Variants in DIAPH2 observed in about 807,000 individuals in gnomAD.
The protein encoded by DIAPH2 is protein diaphanous homolog 2.
DIAPH2 carries 35 observed loss-of-function variants against 92.7 expected under a neutral mutation model. The ratio of observed to expected loss-of-function variants is 0.38; its 90% CI spans 0.29 to 0.50. The LOEUF (loss-of-function observed/expected upper bound fraction) is 0.50. DIAPH2 is among the 20% of genes least tolerant of loss of function. The pLI, the probability that DIAPH2 is intolerant of heterozygous loss-of-function variation, is 0.94. For missense variants in DIAPH2, 701 were observed against 819.5 expected, an observed-to-expected ratio of 0.86 and a Z score of 1.77; for synonymous variants, 301 against 280.4, an observed-to-expected ratio of 1.07 and a Z score of -0.73.
chrX:97,157,869 T>A (rs917077745), intron 22 of DIAPH2, among the ~76,000 whole-genome samples: 2 of 112,328 alleles, frequency 1.8e-5, no homozygotes, highest in Non-Finnish European at 3.8e-5. Flanking sequence ...AAACTAATTA[T>A]GGCATTTGAT....
chrX:96,974,081 T>C (rs2065945572), intron 17 of DIAPH2, among the ~76,000 whole-genome samples: 1 of 111,800 alleles, frequency 8.9e-6, no homozygotes, highest in South Asian at 3.8e-4. Flanking sequence ...TTTCTTTAGG[T>C]TTCCATTTGT....
intron 26 of DIAPH2, among the ~76,000 whole-genome samples, chrX:97,574,211 G>C (rs1271574645): frequency 1.8e-5 from 2 of 111,919 alleles, no homozygotes; most frequent in African/African-American, 6.5e-5. Flanking sequence ...TCCCTCATTG[G>C]AGGATTCAAA....
chrX:97,159,706 T>C (rs1396522241), intron 22 of DIAPH2, among the ~76,000 whole-genome samples: 1 of 112,400 alleles, frequency 8.9e-6, no homozygotes, highest in Admixed American at 9.5e-5. Flanking sequence ...TCTTTTGAAT[T>C]AATCTCATTT....
chrX:96,715,413 A>C (rs1353438162), intron 1 of DIAPH2, among the ~76,000 whole-genome samples: 3 of 111,712 alleles, frequency 2.7e-5, no homozygotes, highest in African/African-American at 9.8e-5. Flanking sequence ...ATGAATATTC[A>C]CCTTATGAAT....
intron 4 of DIAPH2, among the ~76,000 whole-genome samples, chrX:96,790,100 G>A (rs1359480337): frequency 2.0e-5 from 2 of 101,762 alleles, no homozygotes; most frequent in African/African-American, 7.4e-5. Context: ...ACAGAGTTTC[G>A]CTCTTGTTGC....
intron 25 of DIAPH2, among the ~76,000 whole-genome samples, chrX:97,424,460 A>C (rs1344728836): frequency 9.0e-6 from 1 of 111,423 alleles, no homozygotes; most frequent in Non-Finnish European, 1.9e-5. Flanking sequence ...AATGTTAACA[A>C]TAGGGGTCAT....
intron 26 of DIAPH2, among the ~76,000 whole-genome samples, chrX:97,538,555 A>G (rs1441741049): frequency 8.9e-6 from 1 of 111,780 alleles, no homozygotes; most frequent in Non-Finnish European, 1.9e-5. Context: ...AAACATTTTT[A>G]ATATTTTCTG....
At chrX:97,290,378 G>A (rs1190657721) in intron 23 of DIAPH2, among the ~76,000 whole-genome samples, 1 of 111,420 alleles carries the variant, frequency 9.0e-6, no homozygotes, top group African/African-American at 3.3e-5. Context: ...GGAACAGGGC[G>A]GGCAAAGCTG....
intron 23 of DIAPH2, among the ~76,000 whole-genome samples, chrX:97,292,395 T>G: frequency 9.0e-6 from 1 of 111,431 alleles, no homozygotes; most frequent in Non-Finnish European, 1.9e-5. Flanking sequence ...AAGCCTCTCA[T>G]TACAGAGATC....
intron 4 of DIAPH2, among the ~76,000 whole-genome samples, chrX:96,873,778 G>A: frequency 9.1e-6 from 1 of 110,377 alleles, no homozygotes; most frequent in South Asian, 3.9e-4. Flanking sequence ...AGATAGATGG[G>A]TTTTATCAAT....
intron 22 of DIAPH2, among the ~76,000 whole-genome samples, chrX:97,157,906 G>A (rs956443963): frequency 1.8e-5 from 2 of 111,958 alleles, no homozygotes; most frequent in African/African-American, 3.2e-5. Context: ...AGTATACGCC[G>A]AGCCTTACTC....
At chrX:97,298,278 T>G (rs1249918595) in intron 23 of DIAPH2, among the ~76,000 whole-genome samples, 2 of 99,517 alleles carry the variant, frequency 2.0e-5, no homozygotes, top group Admixed American at 1.1e-4. Context: ...GACACATGGA[T>G]TGAACATGAT....
intron 26 of DIAPH2, among the ~76,000 whole-genome samples, chrX:97,539,697 A>G (rs2071124934): frequency 1.8e-5 from 2 of 112,058 alleles, no homozygotes; most frequent in African/African-American, 6.5e-5. Context: ...TAGAAATCAT[A>G]GTCTTTTGAT....
At chrX:97,575,341 T>G (rs771950230) in intron 26 of DIAPH2, among the ~76,000 whole-genome samples, 1 of 112,654 alleles carries the variant, frequency 8.9e-6, no homozygotes, top group African/African-American at 3.2e-5. Context: ...AAGCATCACG[T>G]TGATCTCTGC....
chrX:97,222,073 CACCAA>C (rs1464453686), intron 22 of DIAPH2, among the ~76,000 whole-genome samples: 1 of 111,311 alleles, frequency 9.0e-6, no homozygotes, highest in African/African-American at 3.3e-5. Flanking sequence ...CATCGTATTA[CACCAA>C]AGCAAATACC....
intron 26 of DIAPH2, among the ~76,000 whole-genome samples, chrX:97,568,514 C>T (rs980421122): frequency 4.5e-4 from 50 of 111,564 alleles, no homozygotes; most frequent in African/African-American, 1.6e-3. Flanking sequence ...TTGGGATGAC[C>T]ACAATACTAG....
At chrX:97,172,857 A>T (rs1204896219) in intron 22 of DIAPH2, among the ~76,000 whole-genome samples, 2 of 111,906 alleles carry the variant, frequency 1.8e-5, no homozygotes, top group African/African-American at 6.5e-5. Flanking sequence ...CTCTAGGTGA[A>T]CTGAATTACC....
intron 23 of DIAPH2, among the ~76,000 whole-genome samples, chrX:97,255,727 G>T (rs376196532): frequency 8.9e-6 from 1 of 111,881 alleles, no homozygotes; most frequent in East Asian, 2.8e-4. Flanking sequence ...ATCATGTCTT[G>T]ATTTAAAATG....
intron 4 of DIAPH2, among the ~76,000 whole-genome samples, chrX:96,874,234 A>G (rs2065163752): frequency 8.9e-6 from 1 of 111,946 alleles, no homozygotes; most frequent in Non-Finnish European, 1.9e-5. Context: ...CCCCAGGATA[A>G]GAACCCCTGA....
Sources: gnomAD v4.1 joint callset for allele counts (sites outside exome capture counted in the v4.1 genomes callset) on GRCh38, gnomAD v4.1.1 for gene constraint, MANE v1.5 for transcripts, NCBI Gene and HGNC (gene_info 2026-07-23, HGNC 2026-07-21) for gene names.